NCOA7: variants seen among roughly 807,000 people sequenced by gnomAD.
NCOA7 encodes the protein nuclear receptor coactivator 7.
NCOA7 carries 45 observed loss-of-function variants against 104.3 expected under a neutral mutation model. The ratio of observed to expected loss-of-function variants is 0.43; its 90% CI spans 0.34 to 0.55. NCOA7 has a LOEUF of 0.55. Ranked by LOEUF, NCOA7 falls within the 20% of genes least tolerant of loss-of-function variation. The pLI, the probability that NCOA7 is intolerant of heterozygous loss-of-function variation, is 0.02. For missense variants in NCOA7, 1,041 were observed against 1,119.7 expected (o/e 0.93, Z 1.00); for synonymous variants, 398 against 402.3 (o/e 0.99, Z 0.13).
At chr6:125,804,857 T>C (rs2128557135) in intron 1 of NCOA7, among the ~76,000 whole-genome samples, 1 of 152,258 alleles carries the variant, frequency 6.6e-6, no homozygotes, top group Admixed American at 6.5e-5. Context: ...AGGAAATAGA[T>C]TGGTTTCTTC....
chr6:125,825,692 A>T (rs1265074784), intron 2 of NCOA7, among the ~76,000 whole-genome samples: 1 of 152,206 alleles, frequency 6.6e-6, no homozygotes. Context: ...TGGTAAGGTC[A>T]CTGGGGACTG....
upstream of NCOA7, among the ~76,000 whole-genome samples, chr6:125,790,236 G>A (rs932640442): frequency 3.9e-5 from 6 of 152,396 alleles, no homozygotes; most frequent in South Asian, 4.1e-4. Context: ...CATCGGTCCT[G>A]AGCTGGAAGG....
chr6:125,852,426 C>T (rs914224112), intron 2 of NCOA7, among the ~76,000 whole-genome samples: 1 of 152,148 alleles, frequency 6.6e-6, no homozygotes. Context: ...GAACTCTAGA[C>T]CTTGTGATCT....
At chr6:125,850,053 T>C (rs1036913452) in intron 2 of NCOA7, among the ~76,000 whole-genome samples, 1 of 152,176 alleles carries the variant, frequency 6.6e-6, no homozygotes, top group African/African-American at 2.4e-5. Context: ...CTTAACAAGA[T>C]AGATATTGAC....
upstream of NCOA7, among the ~76,000 whole-genome samples, chr6:125,790,491 G>A (rs965874969): frequency 1.4e-4 from 21 of 152,278 alleles, no homozygotes; most frequent in African/African-American, 4.6e-4. Flanking sequence ...AGCTCTCCGG[G>A]GCGGAGCCGC....
In NCOA7 at chr6:125,815,284, C is replaced by A. The variant is rs1777484426; in HGVS notation, c.-64-7C>A. On this transcript the variant is annotated splice_polypyrimidine_tract_variant and splice_region_variant and intron_variant, in intron 1 of 15. Transcript: ENST00000392477. The stretch of plus-strand genomic sequence containing the variant: ...GTTTACAGTTGCTTTGTTATCTTTT[C>A]TTACAGGGTTACGACTCACTGATTA... 7 of 1,168,694 alleles carry A rather than the reference C, an allele frequency of 6.0e-6. No individual in the cohort carries two copies. Among genetic ancestry groups the A allele is most frequent in the Non-Finnish European group, 3.6e-6 (3 of 825,040 alleles). 72.4% of individuals were successfully genotyped at this position (1,168,694 alleles called of 1,614,324 possible).
intron 1 of NCOA7, chr6:125,810,171 G>A (rs1389341207): frequency 6.6e-6 from 1 of 152,140 alleles, no homozygotes; most frequent in East Asian, 1.9e-4. Flanking sequence ...CCTAGCCACT[G>A]GGACAGGGAG....
intron 2 of NCOA7, among the ~76,000 whole-genome samples, chr6:125,850,094 A>G (rs1780992027): frequency 6.6e-6 from 1 of 152,212 alleles, no homozygotes; most frequent in South Asian, 2.1e-4. Context: ...CTGAAAGATT[A>G]AAGCCCTGAA....
Position 125,921,023 on chromosome 6 carries a change from C to T in NCOA7, c.2325C>T (p.Val775=). The T allele has an allele frequency of 6.2e-7, 1 of 1,613,860 alleles. No individual in the cohort carries two copies. The highest frequency in any genetic ancestry group is 8.5e-7 in the Non-Finnish European group (1 of 1,179,860). ...ACGAGGACGAAGAGGTGCTGCCTGTCCTACGGCCCCACAGCGCGCTCCTGG... is the reference window on the plus strand; with the variant it reads ...ACGAGGACGAAGAGGTGCTGCCTGTTCTACGGCCCCACAGCGCGCTCCTGG... The part of the protein sequence containing the change: ...YEDEDEEVLP[V]LRPHSALLEN... The change falls in exon 12 of 16, where the codon GTC becomes GTT. Residue 775 remains valine, a synonymous_variant. Transcript: ENST00000392477.
intron 10 of NCOA7, among the ~76,000 whole-genome samples, chr6:125,905,252 GA>G (rs1209314547): frequency 1.7e-4 from 23 of 137,168 alleles, no homozygotes; most frequent in Non-Finnish European, 2.8e-4. Flanking sequence ...GAAGGAATAA[GA>G]TTTTTTTTTT....
At chr6:125,801,190 C>T (rs1205891082) in intron 1 of NCOA7, among the ~76,000 whole-genome samples, 1 of 152,184 alleles carries the variant, frequency 6.6e-6, no homozygotes, top group African/African-American at 2.4e-5. Context: ...GTTCCAAAGA[C>T]TCTTGCAGGA....
At chr6:125,783,191 A>G (rs1039207796) in intron 1 of NCOA7, among the ~76,000 whole-genome samples, 3 of 152,238 alleles carry the variant, frequency 2.0e-5, no homozygotes, top group African/African-American at 4.8e-5. Flanking sequence ...TATGGCTTTA[A>G]GTCCCTAATT....
chr6:125,840,483 A>T (rs896701830), intron 2 of NCOA7, among the ~76,000 whole-genome samples: 1 of 152,006 alleles, frequency 6.6e-6, no homozygotes, highest in Non-Finnish European at 1.5e-5. Flanking sequence ...AGCAGCAACC[A>T]TACATGGTAA....
chr6:125,901,036 G>T (rs1785457854), intron 10 of NCOA7, among the ~76,000 whole-genome samples: 1 of 152,172 alleles, frequency 6.6e-6, no homozygotes, highest in South Asian at 2.1e-4. Context: ...TTTCAGAATG[G>T]AACCCCCAGA....
chr6:125,929,445 A>T lies in NCOA7; in HGVS notation c.*674A>T, dbSNP rs1053838635. ...CTGATTGTTTAGGGTGATAGGTCTT[A>T]AGCAGCATATATCTATATATCTGTA... On this transcript the variant is annotated 3_prime_UTR_variant, in exon 16 of 16. Transcript: ENST00000392477. 20 of 108,048 alleles carry T rather than the reference A, an allele frequency of 1.9e-4. No homozygotes were observed. Among genetic ancestry groups the T allele is most frequent in the Non-Finnish European group, 7.8e-5 (4 of 51,428 alleles). The allele number at this position is 108,048 out of a possible 1,614,324, so 6.7% of individuals were successfully genotyped here. A position where few individuals can be genotyped will look rare whatever the true frequency, so the allele number is the denominator to read the frequency against.
At chr6:125,796,411 A>G (rs1000253779) in intron 1 of NCOA7, among the ~76,000 whole-genome samples, 7 of 133,710 alleles carry the variant, frequency 5.2e-5, no homozygotes, top group African/African-American at 8.7e-5. Flanking sequence ...GGGTTCCAGG[A>G]CCCCTGCAGA....
At chr6:125,794,725 G>C (rs1456752657) in intron 1 of NCOA7, among the ~76,000 whole-genome samples, 6 of 152,094 alleles carry the variant, frequency 3.9e-5, no homozygotes, top group Non-Finnish European at 7.4e-5. Flanking sequence ...ATGTTACATA[G>C]TTTTACAAAA....
rs1784499446 is a variant in NCOA7, at chr6:125,889,797, C to G, written c.1743C>G (p.Thr581=). The change falls in exon 9 of 16, where the codon ACC becomes ACG. Residue 581 remains threonine (T), a synonymous_variant. Coordinates refer to ENST00000392477, the MANE Select transcript of NCOA7 (RefSeq NM_181782.5). The part of the protein sequence containing the change: ...ITEGNKEPDK[T]WVKKGEPLPV... ...AGGGCAATAAAGAGCCAGATAAGAC[C>G]TGGGTGAAAAAGGGAGAGCCCCTCC... 7 of 1,611,842 alleles carry G rather than the reference C, an allele frequency of 4.3e-6. No homozygotes were observed. The highest frequency in any genetic ancestry group is 5.9e-6 in the Non-Finnish European group (7 of 1,179,336).
intron 4 of NCOA7, 36 bp from the exon 5 acceptor site, chr6:125,878,227 T>C (rs775990877): frequency 1.4e-6 from 2 of 1,459,614 alleles, no homozygotes; most frequent in South Asian, 1.3e-5. Flanking sequence ...TTTTTTTTGC[T>C]TTATTTATTG....
Sources: allele counts gnomAD v4.1 joint callset (sites outside exome capture counted in the v4.1 genomes callset), GRCh38; gene constraint gnomAD v4.1.1; transcripts MANE v1.5; gene names NCBI Gene and HGNC (gene_info 2026-07-23, HGNC 2026-07-21).